Variants in P2RY8 observed in about 807,000 individuals in gnomAD.
P2RY8 encodes the protein S-geranylgeranyl-glutathione receptor P2RY8.
A neutral mutation model predicts 10.0 loss-of-function variants in P2RY8; 6 were observed. The observed-to-expected ratio is 0.60, with a 90% CI of 0.33 to 1.19. The LOEUF (loss-of-function observed/expected upper bound fraction) is 1.19. P2RY8 is among the 50% of genes most tolerant of loss of function. The probability of loss-of-function intolerance (pLI) is 0.04; values close to 1 mark genes in which losing one functional copy is unlikely to be tolerated. For synonymous variants in P2RY8, 276 were observed against 252.5 expected (o/e 1.09, Z -0.88); for missense variants, 456 against 542.0 (o/e 0.84, Z 1.58).
intron 1 of P2RY8, among the ~76,000 whole-genome samples, chrX:1,491,536 C>G (rs1164075694): frequency 6.6e-6 from 1 of 152,140 alleles, no homozygotes; most frequent in Non-Finnish European, 1.5e-5. Flanking sequence ...ATGATGCCCA[C>G]TAGTTCCTGA....
intron 1 of P2RY8, among the ~76,000 whole-genome samples, chrX:1,493,545 C>G (rs751262501): frequency 6.6e-6 from 1 of 152,000 alleles, no homozygotes; most frequent in Non-Finnish European, 1.5e-5. Flanking sequence ...ACTCAGTCGA[C>G]GTGAACTATT....
At chrX:1,521,034 C>CTTTTTTTTTTTTT (rs1163534557) in intron 1 of P2RY8, among the ~76,000 whole-genome samples, 1 of 61,042 alleles carries the variant, frequency 1.6e-5, no homozygotes. Flanking sequence ...TTTTTCTTTT[C>CTTTTTTTTTTTTT]TTTTTTTTTT....
chrX:1,511,169 G>T (rs2092295342), intron 1 of P2RY8, among the ~76,000 whole-genome samples: 1 of 152,128 alleles, frequency 6.6e-6, no homozygotes, highest in African/African-American at 2.4e-5. Flanking sequence ...GACAGAGTGA[G>T]ACTCTGTCTC....
chrX:1,521,613 T>G (rs1432044091), intron 1 of P2RY8, among the ~76,000 whole-genome samples: 1 of 152,146 alleles, frequency 6.6e-6, no homozygotes, highest in Non-Finnish European at 1.5e-5. Flanking sequence ...GGAAGTCAAT[T>G]CACTTGGACC....
At chrX:1,523,110 T>TA (rs1472474482) in intron 1 of P2RY8, among the ~76,000 whole-genome samples, 3 of 148,704 alleles carry the variant, frequency 2.0e-5, no homozygotes, top group Non-Finnish European at 4.4e-5. Context: ...AATAAATAAA[T>TA]AAATAAATAA....
intron 1 of P2RY8, among the ~76,000 whole-genome samples, chrX:1,504,360 C>A (rs1387158252): frequency 6.6e-6 from 1 of 152,162 alleles, no homozygotes; most frequent in South Asian, 2.1e-4. Flanking sequence ...TCTTTGCCCC[C>A]CTTGAAGCTT....
intron 1 of P2RY8, among the ~76,000 whole-genome samples, chrX:1,528,814 G>GTTTGAGTCTCTTTGAATGAGTGTGGA (rs1171965751): frequency 6.6e-6 from 1 of 151,132 alleles, no homozygotes; most frequent in Admixed American, 6.6e-5. Context: ...TTGCGTGTGG[G>GTTTGAGTCTCTTTGAATGAGTGTGGA]TTTGAGTCTC....
intron 1 of P2RY8, among the ~76,000 whole-genome samples, chrX:1,535,628 T>C (rs746452771): frequency 6.6e-6 from 1 of 151,460 alleles, no homozygotes; most frequent in African/African-American, 2.4e-5. Context: ...GGTTTTCACT[T>C]AGGGCTCTCG....
intron 1 of P2RY8, among the ~76,000 whole-genome samples, chrX:1,466,888 TTCCC>T (rs1474692914): frequency 4.2e-5 from 2 of 48,176 alleles, no homozygotes; most frequent in Admixed American, 3.6e-4. Flanking sequence ...CCTTCCTTCC[TTCCC>T]GCCCTCCCTC....
In P2RY8 at chrX:1,516,985, C is replaced by A. The variant is rs779182537; in HGVS notation, c.-25+19936G>T. ...TAGCAGCCTGAAGTGGACTAAGACACCTCATAAGAAGAGGAGATGAGGACA... is the reference window on the plus strand; with the variant it reads ...TAGCAGCCTGAAGTGGACTAAGACAACTCATAAGAAGAGGAGATGAGGACA... On this transcript the variant is annotated intron_variant, in intron 1 of 1. Transcript: ENST00000381297. Among the ~76,000 whole-genome samples the A allele has an allele frequency of 2.1e-5, 3 of 142,362 alleles. No homozygotes were observed. The South Asian group carries it at 6.9e-4, about 33-fold the overall frequency. 93.4% of individuals were successfully genotyped at this position (142,362 alleles called of 152,430 possible). A position where few individuals can be genotyped will look rare whatever the true frequency, so the allele number is the denominator to read the frequency against.
chrX:1,536,274 T>G (rs1161769216), intron 1 of P2RY8, among the ~76,000 whole-genome samples: 2 of 151,990 alleles, frequency 1.3e-5, no homozygotes, highest in East Asian at 1.9e-4. Context: ...TTTGTTTTTT[T>G]TTTTCTAAAC....
At chrX:1,472,933 C>G (rs73182991) in intron 1 of P2RY8, among the ~76,000 whole-genome samples, 1 of 107,358 alleles carries the variant, frequency 9.3e-6, no homozygotes, top group African/African-American at 3.6e-5. Context: ...GATGGATGGG[C>G]GGGTGAGTGG....
At chrX:1,494,261 C>G (rs1321472228) in intron 1 of P2RY8, 1 of 152,268 alleles carries the variant, frequency 6.6e-6, no homozygotes, top group Admixed American at 6.5e-5. Context: ...AGGGCCAGCT[C>G]TCTGCTCTGC....
chrX:1,514,702 TCCTTCCCTTCCTTCCCTTC>T (rs1569538348), intron 1 of P2RY8, among the ~76,000 whole-genome samples: 15 of 714 alleles, frequency 0.021, 7 homozygotes, highest in African/African-American at 0.039. Context: ...TTCCTTCCCT[TCCTTCCCTTCCTTCCCTTC>T]CCTTCCCTTC....
rs1177214634 is a variant in P2RY8 at position 1,466,153 on chromosome X, G to A, written c.406C>T (p.Arg136Cys). The change falls in exon 2 of 2, where the codon CGC (arginine) becomes TGC (cysteine). Residue 136 changes from arginine to cysteine, a missense_variant. Arg to Cys is a radical substitution (Grantham distance 180, BLOSUM62 -3). Coordinates refer to ENST00000381297, the MANE Select transcript of P2RY8 (RefSeq NM_178129.5). ...LYPLSSKRWR[R>C]RRYAVAACAG... ...CACGCGGCCACCGCGTAACGACGGC[G>A]GCGCCAGCGCTTGGAGCTGAGCGGG... 3.1e-6 allele frequency: 5 copies of A among 1,611,784 alleles called. No homozygotes were observed. Among genetic ancestry groups the A allele is most frequent in the Non-Finnish European group, 4.2e-6 (5 of 1,179,222 alleles).
At chrX:1,476,605 G>A (rs1846555608) in intron 1 of P2RY8, among the ~76,000 whole-genome samples, 1 of 147,382 alleles carries the variant, frequency 6.8e-6, no homozygotes, top group African/African-American at 2.5e-5. Flanking sequence ...AAAAAAAAAA[G>A]AAATATAATG....
At chrX:1,509,781 C>CTATCTATCTATCT (rs1204139625) in intron 1 of P2RY8, among the ~76,000 whole-genome samples, 1 of 96,150 alleles carries the variant, frequency 1.0e-5, no homozygotes, top group African/African-American at 4.6e-5. Flanking sequence ...ATCTATCTAT[C>CTATCTATCTATCT]ATCTATGTAT....
chrX:1,468,606 G>T (rs1233145729), intron 1 of P2RY8, among the ~76,000 whole-genome samples: 1 of 152,026 alleles, frequency 6.6e-6, no homozygotes, highest in Non-Finnish European at 1.5e-5. Context: ...TCAGCACAAC[G>T]GTTGTTCTTG....
chrX:1,493,859 C>T (rs1238094855), intron 1 of P2RY8, among the ~76,000 whole-genome samples: 1 of 152,154 alleles, frequency 6.6e-6, no homozygotes, highest in African/African-American at 2.4e-5. Context: ...CCTCAGCCCT[C>T]TCTGCGACCC....
Sources: gnomAD v4.1 joint callset for allele counts (sites outside exome capture counted in the v4.1 genomes callset) on GRCh38, gnomAD v4.1.1 for gene constraint, MANE v1.5 for transcripts, NCBI Gene and HGNC (gene_info 2026-07-23, HGNC 2026-07-21) for gene names.